ATP8B4: variants seen among roughly 807,000 people sequenced by gnomAD.
The protein encoded by ATP8B4 is ATPase phospholipid transporting 8B4 (putative), also known as probable phospholipid-transporting ATPase IM.
ATP8B4 carries 133 observed loss-of-function variants against 145.6 expected under a neutral mutation model. That is an observed-to-expected ratio of 0.91 (90% CI 0.79 to 1.05). ATP8B4 has a LOEUF of 1.05. ATP8B4 is among the 50% of genes least tolerant of loss of function. The pLI, the probability that ATP8B4 is intolerant of heterozygous loss-of-function variation, is 0.00. For synonymous variants in ATP8B4, 507 were observed against 492.9 expected, an observed-to-expected ratio of 1.03 and a Z score of -0.38; for missense variants, 1,458 against 1,425.2, an observed-to-expected ratio of 1.02 and a Z score of -0.37.
intron 1 of ATP8B4, among the ~76,000 whole-genome samples, chr15:50,180,328 G>C (rs1353749968): frequency 6.6e-6 from 1 of 152,200 alleles, no homozygotes; most frequent in South Asian, 2.1e-4. Flanking sequence ...AGGAGGTGCA[G>C]AGGAGAAATA....
chr15:50,148,496 G>A (rs60387657), intron 1 of ATP8B4, among the ~76,000 whole-genome samples: 15,365 of 152,110 alleles, frequency 0.1, 868 homozygotes, highest in Middle Eastern at 0.15. Context: ...ATGGGATTAA[G>A]GCCCTTACAA....
chr15:49,900,650 T>C (rs1157053321), intron 21 of ATP8B4, among the ~76,000 whole-genome samples: 1 of 152,194 alleles, frequency 6.6e-6, no homozygotes, highest in Non-Finnish European at 1.5e-5. Context: ...AGAGGTATCT[T>C]AATGGCAATA....
At chr15:50,128,115 G>A (rs1379160154) in intron 1 of ATP8B4, among the ~76,000 whole-genome samples, 1 of 152,174 alleles carries the variant, frequency 6.6e-6, no homozygotes, top group Non-Finnish European at 1.5e-5. Flanking sequence ...AAGGAAAGAA[G>A]GAATTAATAT....
intron 6 of ATP8B4, among the ~76,000 whole-genome samples, chr15:50,021,103 G>C (rs577051269): frequency 4.0e-5 from 6 of 151,488 alleles, no homozygotes; most frequent in African/African-American, 1.5e-4. Flanking sequence ...GAAAATCCAT[G>C]AGTGATGGTG....
chr15:50,156,300 G>C (rs1273962125), intron 1 of ATP8B4, among the ~76,000 whole-genome samples: 1 of 151,530 alleles, frequency 6.6e-6, no homozygotes, highest in Non-Finnish European at 1.5e-5. Context: ...ATTGCTCTGA[G>C]AGCCTAACTT....
chr15:49,909,466 A>T (rs2038995548), intron 20 of ATP8B4, among the ~76,000 whole-genome samples: 1 of 152,038 alleles, frequency 6.6e-6, no homozygotes, highest in Non-Finnish European at 1.5e-5. Flanking sequence ...GGTCCAGCCC[A>T]CTGTTTCTAC....
At chr15:50,161,315 C>T (rs1298609352) in intron 1 of ATP8B4, among the ~76,000 whole-genome samples, 2 of 151,854 alleles carry the variant, frequency 1.3e-5, no homozygotes, top group African/African-American at 4.8e-5. Flanking sequence ...GCTTTTTTAT[C>T]CATTCAGCCA....
chr15:49,954,201 A>C (rs150234422), intron 14 of ATP8B4, among the ~76,000 whole-genome samples: 1 of 152,068 alleles, frequency 6.6e-6, no homozygotes, highest in African/African-American at 2.4e-5. Context: ...CAGATGGCCT[A>C]TTGTGGGACT....
At chr15:50,168,177 G>A (rs1035060984) in intron 1 of ATP8B4, among the ~76,000 whole-genome samples, 1 of 152,188 alleles carries the variant, frequency 6.6e-6, no homozygotes, top group Non-Finnish European at 1.5e-5. Context: ...ACACATTCGG[G>A]AATGAAGAGT....
rs541109681 is a variant in ATP8B4 at position 50,075,791 on chromosome 15, T to C, written c.29-1606A>G. ...TCTTGCTGATGCCCCAACAAAGAAT[T>C]AAAACATCAAATCCCAAAGTGGTAC... is the stretch of plus-strand genomic sequence containing the variant. On this transcript the variant is annotated intron_variant, in intron 2 of 27. Transcript: ENST00000284509. Among the ~76,000 whole-genome samples the C allele has an allele frequency of 4.5e-3, 679 of 152,196 alleles. 2 individuals are homozygous for C. The highest frequency in any genetic ancestry group is 8.3e-3 in the Non-Finnish European group (567 of 68,000).
intron 20 of ATP8B4, among the ~76,000 whole-genome samples, chr15:49,911,924 T>C (rs1048801548): frequency 6.6e-6 from 1 of 152,112 alleles, no homozygotes; most frequent in Admixed American, 6.5e-5. Context: ...AACATGTTCC[T>C]GAATGAATAC....
At chr15:49,972,491 T>G (rs1599536232) in intron 13 of ATP8B4, 91 bp downstream of exon 13, 1 of 1,242,812 alleles carries the variant, frequency 8.0e-7, no homozygotes, top group Non-Finnish European at 1.1e-6. Context: ...AGCCAGCGAC[T>G]GTTTTGGATT....
At chr15:50,159,910 T>C (rs2044489772) in intron 1 of ATP8B4, among the ~76,000 whole-genome samples, 1 of 151,858 alleles carries the variant, frequency 6.6e-6, no homozygotes, top group Admixed American at 6.6e-5. Flanking sequence ...CCTCCTAGAA[T>C]GAGTTAAAAA....
chr15:50,130,963 G>C (rs1165514167), intron 1 of ATP8B4, among the ~76,000 whole-genome samples: 1 of 152,136 alleles, frequency 6.6e-6, no homozygotes, highest in Admixed American at 6.5e-5. Flanking sequence ...GCATGGCTGG[G>C]GAGTTCTCAG....
chr15:50,042,167 A>AC (rs1255894498), intron 5 of ATP8B4, among the ~76,000 whole-genome samples: 2 of 151,942 alleles, frequency 1.3e-5, no homozygotes, highest in East Asian at 1.9e-4. Context: ...AAAAAAAAAA[A>AC]AAAACTAACT....
At chr15:49,919,770 G>C (rs1703594669) in intron 18 of ATP8B4, among the ~76,000 whole-genome samples, 2 of 152,120 alleles carry the variant, frequency 1.3e-5, no homozygotes, top group Admixed American at 1.3e-4. Flanking sequence ...CTCACAGTGG[G>C]TGAGGTATTC....
At chr15:50,123,482 C>T (rs2057286736), upstream of ATP8B4, among the ~76,000 whole-genome samples, 1 of 152,148 alleles carries the variant, frequency 6.6e-6, no homozygotes, top group Non-Finnish European at 1.5e-5. Context: ...GAATGGTTTA[C>T]AGAATTAACC....
At chr15:50,133,032 A>C (rs796696455) in intron 1 of ATP8B4, among the ~76,000 whole-genome samples, 1 of 152,200 alleles carries the variant, frequency 6.6e-6, no homozygotes, top group South Asian at 2.1e-4. Flanking sequence ...TAGGTGCAGC[A>C]AACCACCAAT....
chr15:50,107,970 G>A (rs994546854), intron 1 of ATP8B4, among the ~76,000 whole-genome samples: 2 of 152,074 alleles, frequency 1.3e-5, no homozygotes, highest in African/African-American at 2.4e-5. Context: ...GGCCCCTGGA[G>A]TATGCCTAAC....
Sources: allele counts gnomAD v4.1 joint callset (sites outside exome capture counted in the v4.1 genomes callset), GRCh38; gene constraint gnomAD v4.1.1; transcripts MANE v1.5; gene names NCBI Gene and HGNC (gene_info 2026-07-23, HGNC 2026-07-21).